The following GATAD2A variants were observed in gnomAD, a reference collection of about 807,000 sequenced individuals.
GATAD2A encodes GATA zinc finger domain containing 2A.
Under a neutral mutation model 68.5 loss-of-function variants are expected in GATAD2A, and 12 were observed. That is an observed-to-expected ratio of 0.18 (90% CI 0.11 to 0.28). The LOEUF (loss-of-function observed/expected upper bound fraction) is 0.28, where lower values mean the gene tolerates loss of function less well. Ranked by LOEUF, GATAD2A falls within the 10% of genes least tolerant of loss-of-function variation. GATAD2A has a pLI of 1.00. For missense variants in GATAD2A, 755 were observed against 868.5 expected (o/e 0.87, Z 1.64); for synonymous variants, 410 against 375.3 (o/e 1.09, Z -1.07).
At chr19:19,496,253 G>A (rs2060141305) in intron 7 of GATAD2A, 34 bp downstream of exon 7, 1 of 1,594,326 alleles carries the variant, frequency 6.3e-7, no homozygotes, top group Non-Finnish European at 8.6e-7. Flanking sequence ...CAGGGAGAGT[G>A]TGTGTCCCAC....
intron 1 of GATAD2A, among the ~76,000 whole-genome samples, chr19:19,412,612 A>G (rs2051101206): frequency 6.6e-6 from 1 of 152,050 alleles, no homozygotes; most frequent in Admixed American, 6.6e-5. Flanking sequence ...AGCCTGGGCG[A>G]CAGAGTGAGA....
intron 1 of GATAD2A, chr19:19,457,164 A>C: frequency 1.0e-6 from 1 of 985,260 alleles, no homozygotes; most frequent in Non-Finnish European, 1.2e-6. Context: ...ACACTCTTGC[A>C]GAAGTGGGGC....
At chr19:19,460,589 T>G (rs2147951378) in intron 1 of GATAD2A, among the ~76,000 whole-genome samples, 1 of 152,302 alleles carries the variant, frequency 6.6e-6, no homozygotes. Flanking sequence ...GGGCTCATCG[T>G]GGGCCTCGCA....
chr19:19,437,010 T>C (rs1400913662), intron 1 of GATAD2A, among the ~76,000 whole-genome samples: 3 of 152,224 alleles, frequency 2.0e-5, no homozygotes, highest in Non-Finnish European at 2.9e-5. Context: ...GCGGTCAGTT[T>C]TGTGAGGTTT....
At chr19:19,460,836 A>C (rs1483727376) in intron 1 of GATAD2A, among the ~76,000 whole-genome samples, 1 of 151,996 alleles carries the variant, frequency 6.6e-6, no homozygotes, top group Non-Finnish European at 1.5e-5. Flanking sequence ...AGCAAGCCAG[A>C]TTCCTCCCCT....
chr19:19,417,263 G>A (rs1165521620), intron 1 of GATAD2A, among the ~76,000 whole-genome samples: 1 of 152,162 alleles, frequency 6.6e-6, no homozygotes, highest in Non-Finnish European at 1.5e-5. Context: ...GGGTGCAGAC[G>A]TCCTTGTGGG....
chr19:19,428,666 T>TA (rs1671650888), intron 1 of GATAD2A, among the ~76,000 whole-genome samples: 1 of 152,116 alleles, frequency 6.6e-6, no homozygotes, highest in African/African-American at 2.4e-5. Flanking sequence ...AGTCTGAGCT[T>TA]ACCAGAGGGC....
At chr19:19,459,469 AG>A (rs1330756242) in intron 1 of GATAD2A, among the ~76,000 whole-genome samples, 1 of 151,482 alleles carries the variant, frequency 6.6e-6, no homozygotes, top group Non-Finnish European at 1.5e-5. Context: ...TCTGTGAAGT[AG>A]GGATGGGAAA....
chr19:19,506,148 A>G lies in GATAD2A; in HGVS notation c.*674A>G, dbSNP rs2144581776. Reference sequence around the variant, plus strand: ...CGGCCCGCCCCCGTGACTGACTGACAGATGCAGGGATGGCCGAGGCAGCCC... The same window carrying G: ...CGGCCCGCCCCCGTGACTGACTGACGGATGCAGGGATGGCCGAGGCAGCCC... On this transcript the variant is annotated 3_prime_UTR_variant, in exon 12 of 12. Coordinates refer to ENST00000683918, the MANE Select transcript of GATAD2A (RefSeq NM_001384528.1). 2.5e-6 allele frequency: 1 copy of G among 398,770 alleles called. No individual in the cohort carries two copies. Among genetic ancestry groups the G allele is most frequent in the East Asian group, 3.6e-5 (1 of 28,048 alleles). 24.7% of individuals were successfully genotyped at this position (398,770 alleles called of 1,614,324 possible).
At chr19:19,441,623 G>A (rs565071633) in intron 1 of GATAD2A, 4 of 170,562 alleles carry the variant, frequency 2.3e-5, no homozygotes, top group South Asian at 1.9e-4. Context: ...GTGCAGTGGC[G>A]TGATTTCGGC....
chr19:19,480,831 C>G (rs1024328996), intron 2 of GATAD2A, among the ~76,000 whole-genome samples: 1 of 152,154 alleles, frequency 6.6e-6, no homozygotes, highest in Non-Finnish European at 1.5e-5. Context: ...ACCTAGCTGG[C>G]TAGGGGGACA....
intron 1 of GATAD2A, among the ~76,000 whole-genome samples, chr19:19,441,473 C>G (rs2055069060): frequency 6.6e-6 from 1 of 152,132 alleles, no homozygotes; most frequent in African/African-American, 2.4e-5. Context: ...ACTGCAGCCT[C>G]CAGCAGTCCT....
At chr19:19,388,572 A>G (rs2048622682) in intron 1 of GATAD2A, among the ~76,000 whole-genome samples, 1 of 151,712 alleles carries the variant, frequency 6.6e-6, no homozygotes, top group Non-Finnish European at 1.5e-5. Context: ...GATTTGGGGG[A>G]GCAGGAGCTG....
chr19:19,466,529 G>A (rs774775977), intron 2 of GATAD2A, among the ~76,000 whole-genome samples: 10 of 152,154 alleles, frequency 6.6e-5, no homozygotes, highest in Non-Finnish European at 1.2e-4. Flanking sequence ...TCACCTTCCC[G>A]TGTCAGCTAA....
At chr19:19,449,617 G>A (rs1344117682) in intron 1 of GATAD2A, among the ~76,000 whole-genome samples, 1 of 147,322 alleles carries the variant, frequency 6.8e-6, no homozygotes, top group East Asian at 2.0e-4. Flanking sequence ...AAAAAATCCA[G>A]CCTGGGCAAC....
upstream of GATAD2A, among the ~76,000 whole-genome samples, chr19:19,403,897 G>A (rs1001748495): frequency 2.6e-5 from 4 of 152,242 alleles, no homozygotes; most frequent in African/African-American, 9.6e-5. Context: ...TTCCTATACC[G>A]AGTCACCTGT....
chr19:19,489,402 C>T (rs1257919764), intron 2 of GATAD2A, among the ~76,000 whole-genome samples: 1 of 152,242 alleles, frequency 6.6e-6, no homozygotes, highest in African/African-American at 2.4e-5. Context: ...TTGGAAGGCA[C>T]AGTTAAAGGG....
At chr19:19,425,710 A>G (rs564817502) in intron 1 of GATAD2A, among the ~76,000 whole-genome samples, 1 of 151,832 alleles carries the variant, frequency 6.6e-6, no homozygotes, top group South Asian at 2.1e-4. Flanking sequence ...CAGTGCAGCA[A>G]CTCCCATGGG....
intron 1 of GATAD2A, among the ~76,000 whole-genome samples, chr19:19,462,298 C>G (rs2057503375): frequency 6.6e-6 from 1 of 152,204 alleles, no homozygotes; most frequent in African/African-American, 2.4e-5. Flanking sequence ...AGCAAGTGTC[C>G]TGTGGTGGCC....
Sources: allele counts gnomAD v4.1 joint callset (sites outside exome capture counted in the v4.1 genomes callset), GRCh38; gene constraint gnomAD v4.1.1; transcripts MANE v1.5; gene names NCBI Gene and HGNC (gene_info 2026-07-23, HGNC 2026-07-21).